The following PRH1 variants were observed in gnomAD, a reference collection of about 807,000 sequenced individuals.
PRH1 encodes salivary acidic proline-rich phosphoprotein 1/2.
In PRH1, 7 loss-of-function variants were observed where a neutral mutation model predicts 7.9. The ratio of observed to expected loss-of-function variants is 0.89; its 90% confidence interval spans 0.50 to 1.67. PRH1 has a LOEUF of 1.67. Ranked by LOEUF, PRH1 falls within the 40% of genes most tolerant of loss-of-function variation. The probability of loss-of-function intolerance (pLI) is 0.00; values close to 1 mark genes in which losing one functional copy is unlikely to be tolerated. For synonymous variants in PRH1, 45 were observed against 80.8 expected, an observed-to-expected ratio of 0.56 and a Z score of 2.38; for missense variants, 109 against 223.6, an observed-to-expected ratio of 0.49 and a Z score of 3.27.
intron 2 of PRH1, among the ~76,000 whole-genome samples, chr12:10,900,592 AC>A (rs375141450): frequency 8.7e-4 from 133 of 152,304 alleles, no homozygotes; most frequent in African/African-American, 3.0e-3. Flanking sequence ...GGGAGCTGCT[AC>A]AGCCAGTTTA....
At chr12:11,059,011 T>G (rs992177420) in intron 1 of PRH1, among the ~76,000 whole-genome samples, 1 of 152,198 alleles carries the variant, frequency 6.6e-6, no homozygotes, top group Non-Finnish European at 1.5e-5. Flanking sequence ...AACACCACAC[T>G]GTGGGCATGA....
chr12:11,081,599 C>A (rs193234323), intron 1 of PRH1, among the ~76,000 whole-genome samples: 1 of 116,700 alleles, frequency 8.6e-6, no homozygotes, highest in East Asian at 2.1e-4. Flanking sequence ...ATTAGCTTGT[C>A]TGTTGCTGGG....
intron 1 of PRH1, among the ~76,000 whole-genome samples, chr12:11,137,390 G>A (rs1053611937): frequency 4.6e-5 from 7 of 152,094 alleles, no homozygotes; most frequent in South Asian, 2.1e-4. Context: ...ATCCCTATCC[G>A]TGAATATAGT....
chr12:10,989,255 A>T (rs1939806419), intron 1 of PRH1, among the ~76,000 whole-genome samples: 1 of 152,144 alleles, frequency 6.6e-6, no homozygotes, highest in Non-Finnish European at 1.5e-5. Context: ...CGTTTCTGAA[A>T]TTTACTCACA....
intron 1 of PRH1, among the ~76,000 whole-genome samples, chr12:11,039,297 T>A (rs1284771022): frequency 6.6e-6 from 1 of 152,248 alleles, no homozygotes; most frequent in Non-Finnish European, 1.5e-5. Flanking sequence ...GTTTTTCCTT[T>A]TAAATTCTGT....
intron 1 of PRH1, among the ~76,000 whole-genome samples, chr12:10,974,519 T>G (rs781228135): frequency 2.0e-5 from 3 of 152,112 alleles, no homozygotes; most frequent in Non-Finnish European, 2.9e-5. Flanking sequence ...GCGGGAGTGC[T>G]GAGCTGATCC....
intron 1 of PRH1, among the ~76,000 whole-genome samples, chr12:10,988,712 G>C (rs1175735904): frequency 6.6e-6 from 1 of 152,012 alleles, no homozygotes; most frequent in Non-Finnish European, 1.5e-5. Flanking sequence ...ATTGCAAATA[G>C]CCTAGGTCCA....
chr12:11,030,080 T>C (rs974759942), intron 1 of PRH1, among the ~76,000 whole-genome samples: 2 of 149,164 alleles, frequency 1.3e-5, no homozygotes, highest in Admixed American at 6.8e-5. Flanking sequence ...ATTCTACAAA[T>C]GAAATATAAA....
chr12:10,939,312 A>G, intron 2 of PRH1: 2 of 664,586 alleles, frequency 3.0e-6, no homozygotes, highest in Non-Finnish European at 4.8e-6. Context: ...TCAATAATAT[A>G]TTCCCTTTAA....
intron 1 of PRH1, among the ~76,000 whole-genome samples, chr12:11,101,204 T>C (rs1274199056): frequency 2.0e-5 from 3 of 152,184 alleles, no homozygotes; most frequent in Non-Finnish European, 4.4e-5. Context: ...AAGTAATGTT[T>C]TGGGCCAGGT....
intron 2 of PRH1, among the ~76,000 whole-genome samples, chr12:10,918,192 G>A (rs1382354214): frequency 1.3e-5 from 2 of 152,090 alleles, no homozygotes; most frequent in African/African-American, 2.4e-5. Flanking sequence ...GACACAGGGA[G>A]GGGAACAACA....
chr12:11,134,278 T>A (rs1227090590), intron 1 of PRH1: 1 of 1,559,482 alleles, frequency 6.4e-7, no homozygotes, highest in Admixed American at 1.9e-5. Flanking sequence ...TTTAAAATGC[T>A]GGTGTAATAT....
At chr12:11,044,575 G>A (rs569506845) in intron 1 of PRH1, among the ~76,000 whole-genome samples, 78 of 151,978 alleles carry the variant, frequency 5.1e-4, no homozygotes, top group Middle Eastern at 3.4e-3. Flanking sequence ...AATATAAAAG[G>A]AGCTTTAACA....
chr12:11,044,892 T>C (rs1942849365), intron 1 of PRH1, among the ~76,000 whole-genome samples: 1 of 152,148 alleles, frequency 6.6e-6, no homozygotes, highest in Admixed American at 6.5e-5. Flanking sequence ...TGGAAAACCA[T>C]TGAAAGTTTT....
rs745936664 is a variant in PRH1, at chr12:11,022,426, G to A, written c.-126+24594C>T. 3.5e-5 allele frequency: 56 copies of A among 1,614,050 alleles called. No homozygotes were observed. The African/African-American group carries it at 5.6e-4, about 16-fold the overall frequency. ...ACCAATTCTGGAGACCACCAGAGCA[G>A]TGAGAATTTGCTCAGCTGAGGAGAT... On this transcript the variant is annotated intron_variant, in intron 1 of 3. Coordinates refer to the PRH1 transcript ENST00000539853.
intron 1 of PRH1, among the ~76,000 whole-genome samples, chr12:11,019,476 A>G (rs2136064082): frequency 1.3e-5 from 2 of 152,414 alleles, no homozygotes; most frequent in South Asian, 4.1e-4. Flanking sequence ...TAAGATATAC[A>G]TTCAGTTGCA....
intron 1 of PRH1, among the ~76,000 whole-genome samples, chr12:11,104,642 C>T (rs1203307985): frequency 6.6e-6 from 1 of 152,144 alleles, no homozygotes. Context: ...TATTAAAACT[C>T]AGTGATATGC....
At position 10,996,999 on chromosome 12, in the gene PRH1, C is replaced by T. The variant is rs1256336702; in HGVS notation, c.-125-23278G>A. 3.7e-6 allele frequency: 6 copies of T among 1,613,772 alleles called. No homozygotes were observed. In the South Asian group the frequency reaches 6.6e-5, roughly 18 times the overall value. ...GCCCAGCAAGTCACCTGCCACAAAA[C>T]TGAAAGAAAGGTCTGCTTTAGCGTC... On this transcript the variant is annotated intron_variant, in intron 1 of 3. Transcript: ENST00000539853.
intron 2 of PRH1, among the ~76,000 whole-genome samples, chr12:10,919,094 C>G (rs544152307): frequency 9.9e-4 from 151 of 152,104 alleles, no homozygotes; most frequent in African/African-American, 3.4e-3. Context: ...TGATTGTTTA[C>G]TTTTTCAATT....
Sources: allele counts gnomAD v4.1 joint callset (sites outside exome capture counted in the v4.1 genomes callset), GRCh38; gene constraint gnomAD v4.1.1; transcripts MANE v1.5; gene names NCBI Gene and HGNC (gene_info 2026-07-23, HGNC 2026-07-21).